Variants in DLGAP2 observed in about 807,000 individuals in gnomAD.
The protein encoded by DLGAP2 is disks large-associated protein 2.
Under a neutral mutation model 100.3 loss-of-function variants are expected in DLGAP2, and 26 were observed. The ratio of observed to expected loss-of-function variants is 0.26; its 90% CI spans 0.19 to 0.36. The LOEUF (loss-of-function observed/expected upper bound fraction) is 0.36. Among genes scored for constraint, DLGAP2 ranks in the 10% least tolerant of loss-of-function variants. The pLI is 1.00. For missense variants in DLGAP2, 1,858 were observed against 1,453.2 expected, an observed-to-expected ratio of 1.28 and a Z score of -4.53; for synonymous variants, 886 against 630.1, an observed-to-expected ratio of 1.41 and a Z score of -6.08.
chr8:1,423,282 C>T (rs891502274), intron 3 of DLGAP2, among the ~76,000 whole-genome samples: 3 of 151,918 alleles, frequency 2.0e-5, no homozygotes, highest in African/African-American at 7.3e-5. Context: ...CTCCCTGACC[C>T]CAGGCCTGCT....
Position 1,501,448 on chromosome 8 carries a change from A to G in DLGAP2, c.172+17A>G. On this transcript the variant is annotated intron_variant, in intron 4 of 14. Coordinates refer to ENST00000637795, the MANE Select transcript of DLGAP2 (RefSeq NM_001346810.2). ...AGGATCTAGGTAGAGTACAGACGTC[A>G]GCCCCGCTCTGGCGGGGCCCGGACA... 11 of 1,535,478 alleles carry G rather than the reference A, an allele frequency of 7.2e-6. No individual in the cohort carries two copies. Among genetic ancestry groups the G allele is most frequent in the Non-Finnish European group, 9.6e-6 (11 of 1,146,660 alleles).
intron 2 of DLGAP2, among the ~76,000 whole-genome samples, chr8:911,140 C>G (rs1308133507): frequency 6.6e-6 from 1 of 152,156 alleles, no homozygotes; most frequent in Non-Finnish European, 1.5e-5. Flanking sequence ...CTCCTAGCAA[C>G]AGAGACCTCT....
chr8:1,301,975 C>G (rs1025784521), intron 3 of DLGAP2: 1 of 152,240 alleles, frequency 6.6e-6, no homozygotes, highest in Non-Finnish European at 1.5e-5. Context: ...TTAAAATAAT[C>G]TTTGGTAATT....
intron 2 of DLGAP2, among the ~76,000 whole-genome samples, chr8:1,110,454 G>C (rs991985297): frequency 4.1e-4 from 62 of 151,284 alleles, no homozygotes; most frequent in African/African-American, 1.5e-3. Flanking sequence ...TGCTGGGTCT[G>C]TGGGGTGTGC....
At chr8:753,663 G>A (rs1165594830) in intron 1 of DLGAP2, 1 of 152,218 alleles carries the variant, frequency 6.6e-6, no homozygotes, top group South Asian at 2.1e-4. Flanking sequence ...GGAGCTTCGA[G>A]TTCTTTATTC....
chr8:990,277 C>T (rs528745526), intron 2 of DLGAP2, among the ~76,000 whole-genome samples: 26 of 152,068 alleles, frequency 1.7e-4, no homozygotes, highest in African/African-American at 2.4e-4. Flanking sequence ...GCATGGGAAT[C>T]GACCTTCTGA....
chr8:742,774 C>T (rs983548907), intron 1 of DLGAP2, among the ~76,000 whole-genome samples: 12 of 152,154 alleles, frequency 7.9e-5, no homozygotes, highest in Admixed American at 7.2e-4. Context: ...TCCTCAAGTG[C>T]TGGGATTACA....
chr8:1,004,532 G>A (rs1801050719), intron 2 of DLGAP2, among the ~76,000 whole-genome samples: 1 of 152,168 alleles, frequency 6.6e-6, no homozygotes, highest in South Asian at 2.1e-4. Context: ...GTTGTCATCT[G>A]GAATCTCCCT....
At chr8:1,564,844 G>A (rs1394725542) in intron 5 of DLGAP2, among the ~76,000 whole-genome samples, 5 of 151,718 alleles carry the variant, frequency 3.3e-5, no homozygotes, top group Non-Finnish European at 7.4e-5. Flanking sequence ...GCACAGGCAG[G>A]TGCTGAGTTC....
intron 8 of DLGAP2, among the ~76,000 whole-genome samples, chr8:1,652,611 G>A (rs973476213): frequency 6.6e-6 from 1 of 152,148 alleles, no homozygotes; most frequent in Non-Finnish European, 1.5e-5. Flanking sequence ...CGACACCTAG[G>A]AAGTGGTAGG....
intron 1 of DLGAP2, among the ~76,000 whole-genome samples, chr8:846,858 A>G (rs981505148): frequency 2.0e-5 from 3 of 152,136 alleles, no homozygotes; most frequent in African/African-American, 7.2e-5. Flanking sequence ...GTGATGAGTG[A>G]TGTTGAGCAC....
intron 5 of DLGAP2, among the ~76,000 whole-genome samples, chr8:1,552,850 C>G (rs900322588): frequency 6.6e-6 from 1 of 152,140 alleles, no homozygotes; most frequent in African/African-American, 2.4e-5. Context: ...TTAAGTAGGT[C>G]AAAACGGAGA....
rs560954907 is a variant in DLGAP2 at position 1,227,211 on chromosome 8, TTATATA to T, written c.74-31634_74-31629del. Among the ~76,000 whole-genome samples the T allele has an allele frequency of 3.3e-4, 45 of 136,002 alleles. No individual in the cohort carries two copies. In the South Asian group the frequency reaches 6.4e-3, roughly 19 times the overall value. The allele number at this position is 136,002 out of a possible 152,430, so 89.2% of individuals were successfully genotyped here. On this transcript the variant is annotated intron_variant, in intron 2 of 14. Coordinates refer to ENST00000637795, the MANE Select transcript of DLGAP2 (RefSeq NM_001346810.2). Reference sequence around the variant, plus strand: ...TATTATCCATTCATTTTTAAGAGTGTTATATATATATTTGTTTTATACACACACACA... The same window carrying T: ...TATTATCCATTCATTTTTAAGAGTGTTATATTTGTTTTATACACACACACA...
At chr8:1,265,712 A>G (rs1799436883) in intron 3 of DLGAP2, among the ~76,000 whole-genome samples, 1 of 152,222 alleles carries the variant, frequency 6.6e-6, no homozygotes, top group African/African-American at 2.4e-5. Context: ...AATACAGACA[A>G]GTGTACTTGA....
chr8:1,492,077 C>A (rs1410399092), intron 3 of DLGAP2, among the ~76,000 whole-genome samples: 1 of 152,334 alleles, frequency 6.6e-6, no homozygotes, highest in African/African-American at 2.4e-5. Context: ...TTGAGACTTT[C>A]TCTTGGCCTG....
Position 1,079,390 on chromosome 8 carries a change from T to G in DLGAP2, c.73+171424T>G, listed in dbSNP as rs113701147. Among the ~76,000 whole-genome samples the G allele has an allele frequency of 4.7e-3, 710 of 152,348 alleles. 7 individuals carry two copies. The highest frequency in any genetic ancestry group is 0.016 in the African/African-American group (676 of 41,574). ...GGAGTGTGTGTGCTGTTTTAAAATG[T>G]ATTAGTGCCTTAAGTTCTTCTGCAT... On this transcript the variant is annotated intron_variant, in intron 2 of 14. Transcript: ENST00000637795.
chr8:787,103 G>T (rs1821886818), intron 1 of DLGAP2, among the ~76,000 whole-genome samples: 2 of 152,158 alleles, frequency 1.3e-5, no homozygotes, highest in Admixed American at 6.5e-5. Context: ...AACTGACGAT[G>T]CTTTATTCAA....
rs146491308 is a variant in DLGAP2, at chr8:1,008,785, A to G, written c.73+100819A>G. Among the ~76,000 whole-genome samples, 600 of 152,330 alleles carry G rather than the reference A, an allele frequency of 3.9e-3. 3 individuals carry two copies. Among genetic ancestry groups the G allele is most frequent in the Non-Finnish European group, 6.8e-3 (462 of 68,026 alleles). ...TCAGGGAGCAACCTCCACCTGCTGC[A>G]TGGTGCTGCGCCCCCACTGGTGTGC... On this transcript the variant is annotated intron_variant, in intron 2 of 14. Transcript: ENST00000637795.
At chr8:1,152,681 A>C (rs1323976618) in intron 2 of DLGAP2, among the ~76,000 whole-genome samples, 1 of 152,148 alleles carries the variant, frequency 6.6e-6, no homozygotes, top group Non-Finnish European at 1.5e-5. Flanking sequence ...TTTGGGGAGA[A>C]ATGGGTCTTC....
Sources: gnomAD v4.1 joint callset for allele counts (sites outside exome capture counted in the v4.1 genomes callset) on GRCh38, gnomAD v4.1.1 for gene constraint, MANE v1.5 for transcripts, NCBI Gene and HGNC (gene_info 2026-07-23, HGNC 2026-07-21) for gene names.